Variants in CPNE4 observed in about 807,000 individuals in gnomAD.
CPNE4 encodes the protein copine 4, also known as copine-4.
CPNE4 carries 25 observed loss-of-function variants against 67.9 expected under a neutral mutation model. That is an observed-to-expected ratio of 0.37 (90% CI 0.27 to 0.51). The LOEUF is 0.51. CPNE4 is among the 20% of genes least tolerant of loss of function. CPNE4 has a pLI of 0.93. For synonymous variants in CPNE4, 242 were observed against 244.9 expected (o/e 0.99, Z 0.11); for missense variants, 464 against 690.8 (o/e 0.67, Z 3.68).
intron 2 of CPNE4, among the ~76,000 whole-genome samples, chr3:131,866,444 C>G (rs1484099957): frequency 6.6e-6 from 1 of 152,080 alleles, no homozygotes; most frequent in Non-Finnish European, 1.5e-5. Context: ...GAGAAAGGAG[C>G]AAGAAGAAAA....
intron 1 of CPNE4, among the ~76,000 whole-genome samples, chr3:131,975,525 T>C (rs1254202950): frequency 1.3e-5 from 2 of 152,208 alleles, no homozygotes; most frequent in East Asian, 1.9e-4. Context: ...CAGCTGGCTC[T>C]AACTTCTTCA....
At chr3:131,618,581 A>G (rs1445715839) in intron 7 of CPNE4, among the ~76,000 whole-genome samples, 1 of 152,132 alleles carries the variant, frequency 6.6e-6, no homozygotes, top group Non-Finnish European at 1.5e-5. Flanking sequence ...TTTCTAGGAT[A>G]TTTATGGAAA....
At chr3:131,662,463 G>A (rs747237348) in intron 7 of CPNE4, among the ~76,000 whole-genome samples, 1 of 152,180 alleles carries the variant, frequency 6.6e-6, no homozygotes, top group Non-Finnish European at 1.5e-5. Flanking sequence ...TCACAGTAAG[G>A]CATCAGAAAC....
At chr3:132,002,629 C>T (rs541783196) in intron 1 of CPNE4, among the ~76,000 whole-genome samples, 2 of 152,146 alleles carry the variant, frequency 1.3e-5, no homozygotes, top group South Asian at 2.1e-4. Context: ...TGTGAGGAGG[C>T]GTGTTTCTGT....
At chr3:131,980,520 A>G (rs1287411496) in intron 1 of CPNE4, among the ~76,000 whole-genome samples, 1 of 152,010 alleles carries the variant, frequency 6.6e-6, no homozygotes, top group Non-Finnish European at 1.5e-5. Context: ...CACATTTCTA[A>G]AAGTGTGCTC....
At chr3:131,585,471 T>C (rs1938117560) in intron 8 of CPNE4, among the ~76,000 whole-genome samples, 3 of 152,200 alleles carry the variant, frequency 2.0e-5, no homozygotes, top group Admixed American at 1.3e-4. Context: ...AGCTCAGTGA[T>C]TCAGAAAAGC....
At chr3:131,983,446 T>A (rs1317726527) in intron 1 of CPNE4, among the ~76,000 whole-genome samples, 9 of 152,194 alleles carry the variant, frequency 5.9e-5, no homozygotes, top group Non-Finnish European at 1.0e-4. Flanking sequence ...TTACTGGATA[T>A]CCTAATTAAT....
chr3:131,724,273 T>C (rs2081953955), intron 2 of CPNE4, among the ~76,000 whole-genome samples: 1 of 152,044 alleles, frequency 6.6e-6, no homozygotes, highest in Admixed American at 6.5e-5. Flanking sequence ...CTTTATTAAG[T>C]GTATAATGTT....
chr3:131,990,035 C>G (rs1372237040), intron 1 of CPNE4, among the ~76,000 whole-genome samples: 1 of 136,050 alleles, frequency 7.4e-6, no homozygotes, highest in Non-Finnish European at 1.7e-5. Flanking sequence ...GAATTTGTAG[C>G]CAAAGCCCAC....
rs148585549 is a variant in CPNE4, at chr3:131,723,514, T to C, written c.292A>G (p.Ile98Val). The change falls in exon 3 of 16, where the codon ATC becomes GTC. Residue 98 changes from isoleucine to valine, a missense_variant. Ile to Val is a conservative substitution (Grantham distance 29). Around this residue, in one of 6 missense-constraint regions of CPNE4, gnomAD observed 170 missense variants for 203.3 expected, o/e 0.84. Coordinates refer to ENST00000429747, the MANE Select transcript of CPNE4 (RefSeq NM_130808.3). ...TTCAGCCCATTGTGGTTGCTGCTGA[T>C]GTCATGGACTTCAAACCGCAGGCGC... Reference protein sequence around the residue: ...VQRLRFEVHDISSNHNGLKEA... With the variant: ...VQRLRFEVHDVSSNHNGLKEA... 416 of 1,613,894 alleles carry C rather than the reference T, an allele frequency of 2.6e-4. 1 individual carries two copies. The highest frequency in any genetic ancestry group is 3.2e-4 in the Non-Finnish European group (375 of 1,180,032).
chr3:131,860,602 T>C (rs1349728597), intron 2 of CPNE4, among the ~76,000 whole-genome samples: 1 of 152,212 alleles, frequency 6.6e-6, no homozygotes, highest in Non-Finnish European at 1.5e-5. Flanking sequence ...TTGGAAAGCA[T>C]ACATGGCCTT....
intron 2 of CPNE4, among the ~76,000 whole-genome samples, chr3:131,856,953 T>C (rs960008641): frequency 1.3e-5 from 2 of 151,992 alleles, no homozygotes; most frequent in Admixed American, 6.6e-5. Flanking sequence ...TATGATTTCA[T>C]TCATTCAGTG....
intron 1 of CPNE4, among the ~76,000 whole-genome samples, chr3:131,997,133 T>C (rs760613202): frequency 6.6e-6 from 1 of 152,180 alleles, no homozygotes; most frequent in Admixed American, 6.6e-5. Flanking sequence ...TAAAGGCCCA[T>C]AGATTACAGC....
chr3:131,629,038 G>A (rs2079153303), intron 7 of CPNE4, among the ~76,000 whole-genome samples: 2 of 152,174 alleles, frequency 1.3e-5, no homozygotes, highest in South Asian at 2.1e-4. Context: ...TGGGCATGTA[G>A]TGCTATAAAT....
chr3:131,907,834 G>A (rs2088831639), intron 1 of CPNE4, among the ~76,000 whole-genome samples: 1 of 152,122 alleles, frequency 6.6e-6, no homozygotes, highest in Admixed American at 6.6e-5. Flanking sequence ...TTAGGTTAGG[G>A]AAATTTGTAG....
chr3:131,835,659 C>T (rs1185394369), intron 2 of CPNE4, among the ~76,000 whole-genome samples: 3 of 152,172 alleles, frequency 2.0e-5, no homozygotes, highest in Non-Finnish European at 4.4e-5. Flanking sequence ...TCCCTTCTCA[C>T]TCCCCACCAG....
At chr3:131,742,873 G>T (rs1036951106) in intron 2 of CPNE4, among the ~76,000 whole-genome samples, 4 of 152,040 alleles carry the variant, frequency 2.6e-5, no homozygotes, top group African/African-American at 9.7e-5. Context: ...TATTATTTGG[G>T]AAAAGTATAG....
intron 1 of CPNE4, among the ~76,000 whole-genome samples, chr3:132,020,865 G>A (rs1309625206): frequency 6.6e-6 from 1 of 152,168 alleles, no homozygotes; most frequent in Non-Finnish European, 1.5e-5. Context: ...CTCAAATGTT[G>A]CTGAACACAA....
intron 1 of CPNE4, among the ~76,000 whole-genome samples, chr3:132,018,931 G>A (rs1534803): frequency 0.68 from 103,076 of 152,076 alleles, 35,738 homozygotes; most frequent in Middle Eastern, 0.75. Flanking sequence ...TGAAGCTTAG[G>A]AAAATTAGGG....
Sources: allele counts gnomAD v4.1 joint callset (sites outside exome capture counted in the v4.1 genomes callset), GRCh38; gene constraint gnomAD v4.1.1; regional missense constraint gnomAD v4.1.1; transcripts MANE v1.5; gene names NCBI Gene and HGNC (gene_info 2026-07-23, HGNC 2026-07-21).